CSRNP3: variants seen among roughly 807,000 people sequenced by gnomAD.
The protein encoded by CSRNP3 is cysteine/serine-rich nuclear protein 3.
CSRNP3 carries 12 observed loss-of-function variants against 48.0 expected under a neutral mutation model. That is an observed-to-expected ratio of 0.25 (90% CI 0.16 to 0.41). CSRNP3 has a LOEUF of 0.41. Ranked by LOEUF, CSRNP3 falls within the 10% of genes least tolerant of loss-of-function variation. CSRNP3 has a pLI of 1.00. For missense variants in CSRNP3, 580 were observed against 724.4 expected, an observed-to-expected ratio of 0.80 and a Z score of 2.29; for synonymous variants, 263 against 269.7, an observed-to-expected ratio of 0.98 and a Z score of 0.24.
At chr2:165,625,455 GTCTC>G (rs1422033217) in intron 4 of CSRNP3, among the ~76,000 whole-genome samples, 1 of 148,332 alleles carries the variant, frequency 6.7e-6, no homozygotes, top group Non-Finnish European at 1.5e-5. Context: ...GCAAAACCCT[GTCTC>G]TAATAAAAAA....
chr2:165,630,994 T>C (rs373353816), intron 4 of CSRNP3, among the ~76,000 whole-genome samples: 4 of 152,354 alleles, frequency 2.6e-5, no homozygotes, highest in African/African-American at 7.2e-5. Context: ...GTATAGCTTT[T>C]TCATTATGTT....
At chr2:165,476,050 T>G (rs2105445065) in intron 1 of CSRNP3, among the ~76,000 whole-genome samples, 1 of 152,344 alleles carries the variant, frequency 6.6e-6, no homozygotes, top group Middle Eastern at 3.4e-3. Context: ...AATGTTTGTG[T>G]AAGAAAATAT....
Position 165,601,659 on chromosome 2 carries a change from T to G in CSRNP3, c.148+6446T>G, listed in dbSNP as rs566996512. 8.1e-4 allele frequency among the ~76,000 whole-genome samples: 124 copies of G among 152,158 alleles called. 2 individuals carry two copies. The Middle Eastern group carries it at 0.01, about 13-fold the overall frequency. Reference sequence around the variant, plus strand: ...CTGTTTGCTTCCTTCCTTCCTTCCTTCCTTGTCTCCCTCCCTCCCTTCTCT... The same window carrying G: ...CTGTTTGCTTCCTTCCTTCCTTCCTGCCTTGTCTCCCTCCCTCCCTTCTCT... On this transcript the variant is annotated intron_variant, in intron 4 of 6. Coordinates refer to ENST00000651982, the MANE Select transcript of CSRNP3 (RefSeq NM_001172173.2).
intron 3 of CSRNP3, among the ~76,000 whole-genome samples, chr2:165,532,972 A>G (rs1684834630): frequency 6.6e-6 from 1 of 152,176 alleles, no homozygotes; most frequent in Non-Finnish European, 1.5e-5. Context: ...TGCTTCAAAG[A>G]GAATAAAATA....
In CSRNP3 at chr2:165,545,334, G is replaced by A. The variant is rs147759193; in HGVS notation, c.-24+27373G>A. Among the ~76,000 whole-genome samples the A allele has an allele frequency of 2.6e-3, 400 of 152,132 alleles. 3 individuals carry two copies. Among genetic ancestry groups the A allele is most frequent in the African/African-American group, 9.2e-3 (383 of 41,494 alleles). On this transcript the variant is annotated intron_variant, in intron 3 of 6. Coordinates refer to ENST00000651982, the MANE Select transcript of CSRNP3 (RefSeq NM_001172173.2). ...GAGAAGGTTGTTAATATTATAAGTGGGAAAAATAACAGCATGCCTAGGTTG... is the reference window on the plus strand; with the variant it reads ...GAGAAGGTTGTTAATATTATAAGTGAGAAAAATAACAGCATGCCTAGGTTG...
At chr2:165,559,053 G>A (rs554205506) in intron 3 of CSRNP3, among the ~76,000 whole-genome samples, 3 of 152,208 alleles carry the variant, frequency 2.0e-5, no homozygotes, top group Admixed American at 1.3e-4. Flanking sequence ...GCTTCAGTAA[G>A]GTGATGTGTC....
At chr2:165,637,878 G>A (rs796379489) in intron 4 of CSRNP3, among the ~76,000 whole-genome samples, 13 of 152,184 alleles carry the variant, frequency 8.5e-5, no homozygotes, top group African/African-American at 2.6e-4. Context: ...ACCAGTATTC[G>A]CATTGTATTA....
At chr2:165,538,323 G>T (rs763688688) in intron 3 of CSRNP3, among the ~76,000 whole-genome samples, 7 of 151,946 alleles carry the variant, frequency 4.6e-5, no homozygotes, top group Non-Finnish European at 8.8e-5. Flanking sequence ...CCCAAAACCA[G>T]TAGGAAAGTG....
chr2:165,559,073 TGAGA>T (rs144620618), intron 3 of CSRNP3, among the ~76,000 whole-genome samples: 4 of 149,366 alleles, frequency 2.7e-5, no homozygotes, highest in East Asian at 3.9e-4. Context: ...CAGAGACTAC[TGAGA>T]GAGAGAGAGA....
intron 2 of CSRNP3, among the ~76,000 whole-genome samples, chr2:165,517,171 A>C (rs1398739340): frequency 1.3e-5 from 2 of 152,040 alleles, no homozygotes; most frequent in Admixed American, 6.5e-5. Context: ...AAGTGATTAT[A>C]TACATTTTAG....
chr2:165,653,972 C>CAAAAAAAAAAAAAAAAAAAAAAA lies in CSRNP3; in HGVS notation c.149-3775_149-3753dup, dbSNP rs71028497. Among the ~76,000 whole-genome samples the CAAAAAAAAAAAAAAAAAAAAAAA allele has an allele frequency of 1.2e-4, 5 of 41,204 alleles. 1 individual carries two copies. Among genetic ancestry groups the CAAAAAAAAAAAAAAAAAAAAAAA allele is most frequent in the African/African-American group, 5.0e-4 (5 of 10,098 alleles). 27.0% of individuals were successfully genotyped at this position (41,204 alleles called of 152,430 possible). A position where few individuals can be genotyped will look rare whatever the true frequency, so the allele number is the denominator to read the frequency against. On this transcript the variant is annotated intron_variant, in intron 4 of 6. Coordinates refer to ENST00000651982, the MANE Select transcript of CSRNP3 (RefSeq NM_001172173.2). ...GGGCAACAAGAGCGAAGCTCTATCA[C>CAAAAAAAAAAAAAAAAAAAAAAA]AAAAAAAAAAAAAAAAAAAAAAAAA...
chr2:165,599,273 A>C, intron 4 of CSRNP3, among the ~76,000 whole-genome samples: 1 of 69,046 alleles, frequency 1.4e-5, no homozygotes, highest in South Asian at 6.8e-4. Flanking sequence ...AAAAGAAAGA[A>C]AGAGAGAGAG....
chr2:165,624,269 C>T (rs1686391220), intron 4 of CSRNP3, among the ~76,000 whole-genome samples: 1 of 152,116 alleles, frequency 6.6e-6, no homozygotes, highest in African/African-American at 2.4e-5. Flanking sequence ...AAAATAGACT[C>T]AGACTTTAGA....
At chr2:165,481,231 A>G (rs1476933240) in intron 1 of CSRNP3, among the ~76,000 whole-genome samples, 1 of 152,204 alleles carries the variant, frequency 6.6e-6, no homozygotes, top group Non-Finnish European at 1.5e-5. Context: ...CTGCAGGTAT[A>G]AAATTGCACA....
chr2:165,590,599 G>A (rs940620428), intron 3 of CSRNP3, among the ~76,000 whole-genome samples: 6 of 152,142 alleles, frequency 3.9e-5, no homozygotes, highest in African/African-American at 7.2e-5. Context: ...GGATGGACCC[G>A]GTGGGAGGTA....
At chr2:165,520,712 GTCTA>G (rs199765274) in intron 3 of CSRNP3, among the ~76,000 whole-genome samples, 24,847 of 134,858 alleles carry the variant, frequency 0.18, 2,503 homozygotes, top group Non-Finnish European at 0.2. Flanking sequence ...CTATCTATCT[GTCTA>G]TCTATATTTA....
Position 165,599,283 on chromosome 2 carries a change from G to A in CSRNP3, c.148+4070G>A, listed in dbSNP as rs13006967. Among the ~76,000 whole-genome samples the A allele has an allele frequency of 5.7e-3, 597 of 104,820 alleles. 2 individuals carry two copies. The highest frequency in any genetic ancestry group is 8.1e-3 in the African/African-American group (224 of 27,690). 68.8% of individuals were successfully genotyped at this position (104,820 alleles called of 152,430 possible). Reference sequence around the variant, plus strand: ...AAAGAAAAAGAAAGAAAGAGAGAGAGAGAAAGAAAGAAAGAAAGAAAGAAA... The same window carrying A: ...AAAGAAAAAGAAAGAAAGAGAGAGAAAGAAAGAAAGAAAGAAAGAAAGAAA... On this transcript the variant is annotated intron_variant, in intron 4 of 6. Transcript: ENST00000651982.
At chr2:165,500,347 A>G (rs1233982290) in intron 2 of CSRNP3, among the ~76,000 whole-genome samples, 11 of 150,392 alleles carry the variant, frequency 7.3e-5, no homozygotes, top group Non-Finnish European at 1.5e-4. Context: ...ATATGTATAT[A>G]TGTATATGTA....
chr2:165,677,574 A>G (rs1358730712), intron 6 of CSRNP3, among the ~76,000 whole-genome samples: 2 of 127,174 alleles, frequency 1.6e-5, no homozygotes, highest in African/African-American at 2.8e-5. Flanking sequence ...TCACAGAAAG[A>G]TTCATGAGTA....
Sources: allele counts gnomAD v4.1 joint callset (sites outside exome capture counted in the v4.1 genomes callset), GRCh38; gene constraint gnomAD v4.1.1; transcripts MANE v1.5; gene names NCBI Gene and HGNC (gene_info 2026-07-23, HGNC 2026-07-21).